The following DSCAM variants were observed in gnomAD, a reference collection of about 807,000 sequenced individuals.
The protein encoded by DSCAM is cell adhesion molecule DSCAM.
Under a neutral mutation model 217.7 loss-of-function variants are expected in DSCAM, and 47 were observed. The observed-to-expected ratio is 0.22, with a 90% confidence interval of 0.17 to 0.28. The LOEUF is 0.28. DSCAM is among the 10% of genes least tolerant of loss of function. The pLI is 1.00. For synonymous variants in DSCAM, 1,056 were observed against 1,015.3 expected (o/e 1.04, Z -0.76); for missense variants, 2,080 against 2,618.3 (o/e 0.79, Z 4.49).
chr21:40,035,366 T>C (rs1230676110), intron 32 of DSCAM, among the ~76,000 whole-genome samples: 2 of 103,950 alleles, frequency 1.9e-5, no homozygotes, highest in Non-Finnish European at 3.8e-5. Flanking sequence ...GTTGCAATCC[T>C]AGTCTCAGAT....
At chr21:40,075,747 G>A (rs1036982241) in intron 26 of DSCAM, among the ~76,000 whole-genome samples, 15 of 152,214 alleles carry the variant, frequency 9.9e-5, no homozygotes, top group East Asian at 1.9e-4. Context: ...TTCAACAGCT[G>A]TGGTTTGAGG....
chr21:40,410,404 A>G (rs965491274), intron 3 of DSCAM, among the ~76,000 whole-genome samples: 5 of 152,118 alleles, frequency 3.3e-5, no homozygotes, highest in African/African-American at 1.2e-4. Flanking sequence ...TTAGAGACTT[A>G]GGGGAGGCAG....
chr21:40,365,057 T>C (rs1785962736), intron 4 of DSCAM, among the ~76,000 whole-genome samples: 1 of 151,118 alleles, frequency 6.6e-6, no homozygotes, highest in Non-Finnish European at 1.5e-5. Context: ...AATGAGTATC[T>C]ATAATATATA....
At position 40,731,641 on chromosome 21, in the gene DSCAM, T is replaced by C. The variant is rs572587059; in HGVS notation, c.44-22870A>G. On this transcript the variant is annotated intron_variant, in intron 1 of 32. Transcript: ENST00000400454. Reference sequence around the variant, plus strand: ...TTCCCCTTTGTGTGTGTGTCCTAATTTCCTCTTCTTATAAGGATATCAGTC... The same window carrying C: ...TTCCCCTTTGTGTGTGTGTCCTAATCTCCTCTTCTTATAAGGATATCAGTC... Among the ~76,000 whole-genome samples the C allele has an allele frequency of 2.5e-4, 38 of 152,154 alleles. No individual in the cohort carries two copies. In the South Asian group the frequency reaches 7.5e-3, roughly 30 times the overall value.
At chr21:40,742,330 T>C (rs1317861424) in intron 1 of DSCAM, among the ~76,000 whole-genome samples, 1 of 152,188 alleles carries the variant, frequency 6.6e-6, no homozygotes, top group Non-Finnish European at 1.5e-5. Context: ...AATTTTTGTA[T>C]GTTGATTTTT....
chr21:40,445,357 T>C (rs2075666172), intron 3 of DSCAM, among the ~76,000 whole-genome samples: 1 of 152,218 alleles, frequency 6.6e-6, no homozygotes, highest in Admixed American at 6.5e-5. Context: ...CAACATTGGT[T>C]CTGTTCTGTT....
intron 3 of DSCAM, among the ~76,000 whole-genome samples, chr21:40,460,475 T>A (rs2145947300): frequency 6.6e-6 from 1 of 152,174 alleles, no homozygotes; most frequent in Non-Finnish European, 1.5e-5. Flanking sequence ...CATAAACAAC[T>A]TAGAAACTTA....
At chr21:40,799,715 T>C (rs2091722357) in intron 1 of DSCAM, among the ~76,000 whole-genome samples, 1 of 152,254 alleles carries the variant, frequency 6.6e-6, no homozygotes, top group African/African-American at 2.4e-5. Context: ...TCTTATTCCA[T>C]CATCACATCT....
In DSCAM at chr21:40,142,850, A is replaced by G. The variant is rs1178639548; in HGVS notation, c.3260-146T>C. 4.3e-6 allele frequency: 4 copies of G among 920,782 alleles called. No homozygotes were observed. The East Asian group carries it at 1.0e-4, about 23-fold the overall frequency. The allele number at this position is 920,782 out of a possible 1,614,324, so 57.0% of individuals were successfully genotyped here. A position where few individuals can be genotyped will look rare whatever the true frequency, so the allele number is the denominator to read the frequency against. The stretch of plus-strand genomic sequence containing the variant: ...AATGAAAGAAAAAATAACAAAGATC[A>G]CTTCCCTGGAAAAATCTTATGATAA... On this transcript the variant is annotated intron_variant, in intron 17 of 32. Transcript: ENST00000400454.
intron 3 of DSCAM, among the ~76,000 whole-genome samples, chr21:40,490,028 G>T (rs1297535675): frequency 2.6e-5 from 4 of 152,136 alleles, no homozygotes; most frequent in Non-Finnish European, 5.9e-5. Context: ...TGGCTAGGGA[G>T]GCCACACAAT....
intron 14 of DSCAM, among the ~76,000 whole-genome samples, chr21:40,182,234 C>T (rs566109531): frequency 1.3e-5 from 2 of 152,070 alleles, no homozygotes; most frequent in Non-Finnish European, 2.9e-5. Flanking sequence ...GCGGGCCCTT[C>T]ATGTTGGTGA....
intron 3 of DSCAM, among the ~76,000 whole-genome samples, chr21:40,499,491 T>C (rs1169383211): frequency 1.3e-5 from 2 of 152,210 alleles, no homozygotes; most frequent in Admixed American, 6.5e-5. Context: ...AGATCTCTGT[T>C]CTTATTTAAG....
In DSCAM at chr21:40,400,208, T is replaced by C. The variant is rs576697892; in HGVS notation, c.509-30963A>G. On this transcript the variant is annotated intron_variant, in intron 3 of 32. Coordinates refer to ENST00000400454, the MANE Select transcript of DSCAM (RefSeq NM_001389.5). ...GATTTGTAGCTATTTATATTTAGTG[T>C]GGTAGAAATCTTAAAAGATTTTAAA... 1.5e-4 allele frequency among the ~76,000 whole-genome samples: 23 copies of C among 152,298 alleles called. No homozygotes were observed. The South Asian group carries it at 3.5e-3, about 23-fold the overall frequency.
At chr21:40,212,002 C>G (rs2091189842) in intron 11 of DSCAM, among the ~76,000 whole-genome samples, 1 of 151,176 alleles carries the variant, frequency 6.6e-6, no homozygotes. Flanking sequence ...GGGAGTCTTG[C>G]TCTGTTGCCC....
chr21:40,800,619 G>A (rs2222983), intron 1 of DSCAM, among the ~76,000 whole-genome samples: 79,643 of 151,970 alleles, frequency 0.52, 23,197 homozygotes, highest in South Asian at 0.69. Context: ...TGGTTGAAGC[G>A]TGTCCCTGCC....
At position 40,835,724 on chromosome 21, in the gene DSCAM, T is replaced by C. The variant is rs533714531; in HGVS notation, c.43+10895A>G. 3.3e-5 allele frequency among the ~76,000 whole-genome samples: 5 copies of C among 152,348 alleles called. No individual in the cohort carries two copies. In the East Asian group the frequency reaches 9.6e-4, roughly 29 times the overall value. On this transcript the variant is annotated intron_variant, in intron 1 of 32. Coordinates refer to ENST00000400454, the MANE Select transcript of DSCAM (RefSeq NM_001389.5). ...ACACAAAAAGGTATTTTTAAGGTTC[T>C]GAATTTAGGCCTCTCTCCAGCACAC...
At chr21:40,391,884 C>T (rs1483282271) in intron 3 of DSCAM, among the ~76,000 whole-genome samples, 1 of 152,180 alleles carries the variant, frequency 6.6e-6, no homozygotes, top group African/African-American at 2.4e-5. Flanking sequence ...TGGGTCATCT[C>T]ACACGCCAGG....
chr21:40,631,562 G>T lies in DSCAM; in HGVS notation c.508+61248C>A, dbSNP rs1292438919. Reference sequence around the variant, plus strand: ...TTCCCAGTATTGGGTCTACTCTTTTGTCCTGTCCCTCAGGCCCCACAGTCA... The same window carrying T: ...TTCCCAGTATTGGGTCTACTCTTTTTTCCTGTCCCTCAGGCCCCACAGTCA... On this transcript the variant is annotated intron_variant, in intron 3 of 32. Coordinates refer to ENST00000400454, the MANE Select transcript of DSCAM (RefSeq NM_001389.5). 2.6e-5 allele frequency among the ~76,000 whole-genome samples: 4 copies of T among 152,216 alleles called. No homozygotes were observed. The East Asian group carries it at 5.8e-4, about 22-fold the overall frequency.
At chr21:40,126,500 G>T (rs181285255) in intron 19 of DSCAM, among the ~76,000 whole-genome samples, 117 of 152,260 alleles carry the variant, frequency 7.7e-4, no homozygotes, top group Admixed American at 1.3e-3. Flanking sequence ...GTTGAAAAAT[G>T]CAGATGCTAC....
Sources: gnomAD v4.1 joint callset for allele counts (sites outside exome capture counted in the v4.1 genomes callset) on GRCh38, gnomAD v4.1.1 for gene constraint, MANE v1.5 for transcripts, NCBI Gene and HGNC (gene_info 2026-07-23, HGNC 2026-07-21) for gene names.